FAF1: variants seen among roughly 807,000 people sequenced by gnomAD.
FAF1 encodes FAS-associated factor 1.
In FAF1, 25 loss-of-function variants were observed where a neutral mutation model predicts 92.5. The ratio of observed to expected loss-of-function variants is 0.27; its 90% CI spans 0.20 to 0.38. The LOEUF (loss-of-function observed/expected upper bound fraction) is 0.38. Ranked by LOEUF, FAF1 falls within the 10% of genes least tolerant of loss-of-function variation. The pLI is 1.00. For missense variants in FAF1, 636 were observed against 793.3 expected (o/e 0.80, Z 2.38); for synonymous variants, 234 against 273.2 (o/e 0.86, Z 1.42).
At chr1:50,706,414 G>A (rs1297579927) in intron 6 of FAF1, among the ~76,000 whole-genome samples, 1 of 152,124 alleles carries the variant, frequency 6.6e-6, no homozygotes, top group African/African-American at 2.4e-5. Flanking sequence ...CTTTCACTTA[G>A]GACTCAGTAA....
At chr1:50,794,452 A>C (rs914960808) in intron 3 of FAF1, among the ~76,000 whole-genome samples, 7 of 152,236 alleles carry the variant, frequency 4.6e-5, no homozygotes, top group African/African-American at 1.7e-4. Context: ...ATCTGGAAGG[A>C]GAGATAGCCT....
In FAF1 at chr1:50,440,337, CAT is replaced by C. The variant is rs576386132; in HGVS notation, c.*1101_*1102del. ...TATTATATGCAGGTTTCAGGCAACA[CAT>C]GTCTTCTGAGTTGAGTCCCCAAGTT... On this transcript the variant is annotated 3_prime_UTR_variant, in exon 19 of 19. Transcript: ENST00000396153. 2.0e-5 allele frequency: 3 copies of C among 152,220 alleles called. No individual in the cohort carries two copies. Among genetic ancestry groups the C allele is most frequent in the South Asian group, 2.1e-4 (1 of 4,832 alleles). 9.4% of individuals were successfully genotyped at this position (152,220 alleles called of 1,614,324 possible).
intron 6 of FAF1, among the ~76,000 whole-genome samples, chr1:50,720,791 A>G (rs11205763): frequency 0.054 from 8,240 of 152,178 alleles, 721 homozygotes; most frequent in African/African-American, 0.19. Context: ...TCTGAGAGCT[A>G]CTCTGAGACC....
At chr1:50,778,404 G>A (rs1316229297) in intron 4 of FAF1, among the ~76,000 whole-genome samples, 2 of 151,902 alleles carry the variant, frequency 1.3e-5, no homozygotes. Context: ...GGGGAGGTTA[G>A]GGTACCAATC....
intron 8 of FAF1, among the ~76,000 whole-genome samples, chr1:50,641,983 G>C (rs1654352834): frequency 6.6e-6 from 1 of 151,750 alleles, no homozygotes; most frequent in Non-Finnish European, 1.5e-5. Flanking sequence ...CAGGTGGATA[G>C]CCTGAGATCA....
chr1:50,882,650 GTGTATGTA>G (rs1192088987), intron 1 of FAF1, among the ~76,000 whole-genome samples: 1 of 143,780 alleles, frequency 7.0e-6, no homozygotes, highest in South Asian at 2.3e-4. Flanking sequence ...ATAAATAAAT[GTGTATGTA>G]TGTATGTATG....
chr1:50,452,949 T>A, intron 18 of FAF1, among the ~76,000 whole-genome samples: 1 of 152,342 alleles, frequency 6.6e-6, no homozygotes, highest in Non-Finnish European at 1.5e-5. Flanking sequence ...TGGGTCTATC[T>A]CCTTCACACT....
rs374379809 is a variant in FAF1, at chr1:50,777,577, C to T, written c.367+10423G>A. On this transcript the variant is annotated intron_variant, in intron 4 of 18. Transcript: ENST00000396153. ...GGAAAAAAATGAAAAAACACAGATA[C>T]GGTAAACTATACCAGAGGTATCCTC... Among the ~76,000 whole-genome samples the T allele has an allele frequency of 7.9e-5, 12 of 152,070 alleles. No homozygotes were observed. In the South Asian group the frequency reaches 2.3e-3, roughly 29 times the overall value.
chr1:50,946,030 T>A (rs1282343173), intron 1 of FAF1, among the ~76,000 whole-genome samples: 1 of 152,252 alleles, frequency 6.6e-6, no homozygotes, highest in Non-Finnish European at 1.5e-5. Context: ...AGCTGACGGC[T>A]TTGCTTCAGA....
chr1:50,650,370 G>A (rs1654806459), intron 8 of FAF1, among the ~76,000 whole-genome samples: 2 of 151,824 alleles, frequency 1.3e-5, no homozygotes, highest in South Asian at 4.2e-4. Context: ...CACTTTGGGA[G>A]GCCGAGGTGA....
chr1:50,806,925 C>T (rs1419745555), intron 2 of FAF1, among the ~76,000 whole-genome samples: 1 of 152,196 alleles, frequency 6.6e-6, no homozygotes, highest in Admixed American at 6.5e-5. Flanking sequence ...GAAGGAATAT[C>T]ACCCACAATG....
rs373798883 is a variant in FAF1, at chr1:50,694,551, C to T, written c.657+11235G>A. Among the ~76,000 whole-genome samples the T allele has an allele frequency of 2.2e-4, 32 of 147,442 alleles. No homozygotes were observed. In the East Asian group the frequency reaches 6.1e-3, roughly 28 times the overall value. On this transcript the variant is annotated intron_variant, in intron 7 of 18. Transcript: ENST00000396153. ...TGGATCTCTTCTATAACACTATAGCCAGGAAAAAAAAAAAAACCCACAAAG... is the reference window on the plus strand; with the variant it reads ...TGGATCTCTTCTATAACACTATAGCTAGGAAAAAAAAAAAAACCCACAAAG...
chr1:50,755,753 C>T (rs573892750), intron 4 of FAF1, among the ~76,000 whole-genome samples: 1 of 152,326 alleles, frequency 6.6e-6, no homozygotes. Flanking sequence ...GTTCCCAAAC[C>T]TCAATTCTTG....
chr1:50,787,250 T>C lies in FAF1; in HGVS notation c.367+750A>G, dbSNP rs561678752. On this transcript the variant is annotated intron_variant, in intron 4 of 18. Coordinates refer to ENST00000396153, the MANE Select transcript of FAF1 (RefSeq NM_007051.3). The stretch of plus-strand genomic sequence containing the variant: ...AGAAAAGTGATGGAAACATGTCTCA[T>C]GTCTGATTTCTCATTAAACATAGTG... Among the ~76,000 whole-genome samples, 13 of 152,342 alleles carry C rather than the reference T, an allele frequency of 8.5e-5. No individual in the cohort carries two copies. The South Asian group carries it at 2.5e-3, about 29-fold the overall frequency.
chr1:50,777,508 TAA>T (rs1295835538), intron 4 of FAF1, among the ~76,000 whole-genome samples: 1 of 152,120 alleles, frequency 6.6e-6, no homozygotes, highest in Non-Finnish European at 1.5e-5. Flanking sequence ...ATATATTTCC[TAA>T]GTCAACACTA....
chr1:50,557,206 C>A (rs555550785), intron 13 of FAF1, among the ~76,000 whole-genome samples: 3 of 152,136 alleles, frequency 2.0e-5, no homozygotes, highest in Non-Finnish European at 4.4e-5. Context: ...TGGTGCTGAT[C>A]ATGTATTGAG....
chr1:50,659,128 GA>G (rs1655258834), intron 7 of FAF1, among the ~76,000 whole-genome samples: 1 of 152,002 alleles, frequency 6.6e-6, no homozygotes, highest in Non-Finnish European at 1.5e-5. Context: ...AAACCTCAAT[GA>G]TAAAATACAG....
intron 6 of FAF1, among the ~76,000 whole-genome samples, chr1:50,726,090 T>C (rs1658638722): frequency 6.6e-6 from 1 of 151,774 alleles, no homozygotes; most frequent in Non-Finnish European, 1.5e-5. Context: ...CTGTCTCTAC[T>C]AAAAATACAA....
At chr1:50,776,140 T>A (rs898227252) in intron 4 of FAF1, among the ~76,000 whole-genome samples, 14 of 152,306 alleles carry the variant, frequency 9.2e-5, no homozygotes, top group African/African-American at 3.1e-4. Flanking sequence ...CACAGAAGTA[T>A]ATGAAAGAAC....
Sources: allele counts gnomAD v4.1 joint callset (sites outside exome capture counted in the v4.1 genomes callset), GRCh38; gene constraint gnomAD v4.1.1; transcripts MANE v1.5; gene names NCBI Gene and HGNC (gene_info 2026-07-23, HGNC 2026-07-21).